The following DMD variants were observed in gnomAD, a reference collection of about 807,000 sequenced individuals.
DMD encodes the protein dystrophin.
In DMD, 63 loss-of-function variants were observed where a neutral mutation model predicts 330.1. The ratio of observed to expected loss-of-function variants is 0.19; its 90% confidence interval spans 0.16 to 0.24. DMD has a LOEUF of 0.24. Ranked by LOEUF, DMD falls within the 10% of genes least tolerant of loss-of-function variation. The pLI is 1.00. For synonymous variants in DMD, 1,223 were observed against 959.8 expected (o/e 1.27, Z -5.07); for missense variants, 3,344 against 2,684.1 (o/e 1.25, Z -5.43).
intron 1 of DMD, among the ~76,000 whole-genome samples, chrX:33,193,895 T>A (rs1001058881): frequency 3.6e-5 from 4 of 111,243 alleles, no homozygotes; most frequent in African/African-American, 1.3e-4. Context: ...CAAAACACAT[T>A]TATAAAACTT....
chrX:31,598,893 CAG>C (rs1293176187), intron 55 of DMD, among the ~76,000 whole-genome samples: 2 of 112,199 alleles, frequency 1.8e-5, no homozygotes, highest in African/African-American at 3.2e-5. Context: ...ACTGTAAAAA[CAG>C]ATGTTATTCA....
chrX:31,751,427 G>A (rs1263109048), intron 51 of DMD, among the ~76,000 whole-genome samples: 1 of 111,666 alleles, frequency 9.0e-6, no homozygotes, highest in African/African-American at 3.3e-5. Flanking sequence ...TTGCAGTCCT[G>A]TTTCTAAAAT....
chrX:31,747,577 G>A (rs1197214587), intron 51 of DMD, among the ~76,000 whole-genome samples: 2 of 111,539 alleles, frequency 1.8e-5, no homozygotes, highest in Non-Finnish European at 3.8e-5. Flanking sequence ...GGCATGAAAG[G>A]AGCCCAGCTT....
chrX:32,396,573 T>G, intron 30 of DMD, among the ~76,000 whole-genome samples: 1 of 110,945 alleles, frequency 9.0e-6, no homozygotes, highest in African/African-American at 3.3e-5. Flanking sequence ...ATTGTGTATA[T>G]CCAAGAATCA....
chrX:32,699,590 C>T (rs903978131), intron 7 of DMD, among the ~76,000 whole-genome samples: 1 of 111,645 alleles, frequency 9.0e-6, no homozygotes, highest in Non-Finnish European at 1.9e-5. Context: ...AACAGAGTAG[C>T]TTTCATTAGA....
chrX:32,225,371 T>G (rs1016956670), intron 43 of DMD, among the ~76,000 whole-genome samples: 57 of 111,820 alleles, frequency 5.1e-4, no homozygotes, highest in African/African-American at 1.9e-3. Context: ...GATTATTGAC[T>G]CTTAATCTAG....
At chrX:32,815,422 A>G (rs1467060268) in intron 6 of DMD, among the ~76,000 whole-genome samples, 1 of 104,179 alleles carries the variant, frequency 9.6e-6, no homozygotes, top group Non-Finnish European at 1.9e-5. Flanking sequence ...TGGGTTGGGT[A>G]AATGAAACGG....
intron 2 of DMD, among the ~76,000 whole-genome samples, chrX:32,958,758 A>T (rs1432459604): frequency 9.0e-6 from 1 of 111,362 alleles, no homozygotes; most frequent in East Asian, 2.8e-4. Context: ...CCAGAAAGGT[A>T]ATCTTATTGG....
At chrX:31,944,383 G>A (rs1438535108) in intron 45 of DMD, among the ~76,000 whole-genome samples, 3 of 111,552 alleles carry the variant, frequency 2.7e-5, no homozygotes, top group Non-Finnish European at 5.6e-5. Context: ...TATTGTTTCT[G>A]TTGTAGAAGA....
chrX:31,425,292 T>A (rs1185121265), intron 60 of DMD, among the ~76,000 whole-genome samples: 1 of 112,444 alleles, frequency 8.9e-6, no homozygotes, highest in Non-Finnish European at 1.9e-5. Context: ...AAATTCTTCA[T>A]GAGACTGTTA....
At chrX:32,964,944 G>T (rs2092083069) in intron 2 of DMD, among the ~76,000 whole-genome samples, 1 of 111,804 alleles carries the variant, frequency 8.9e-6, no homozygotes, top group African/African-American at 3.3e-5. Flanking sequence ...CTGACTACAA[G>T]TAGCTCTCTA....
chrX:32,166,310 A>G (rs1415724326), intron 44 of DMD, among the ~76,000 whole-genome samples: 1 of 110,459 alleles, frequency 9.1e-6, no homozygotes, highest in East Asian at 2.9e-4. Flanking sequence ...AAAACGTGTT[A>G]GCTGGGTATC....
chrX:32,000,467 G>A (rs963153251), intron 44 of DMD, among the ~76,000 whole-genome samples: 1 of 112,048 alleles, frequency 8.9e-6, no homozygotes, highest in Non-Finnish European at 1.9e-5. Flanking sequence ...ATAAGCATGA[G>A]AAATCCAAAG....
intron 2 of DMD, among the ~76,000 whole-genome samples, chrX:32,985,509 A>G (rs750565826): frequency 1.2e-4 from 13 of 111,319 alleles, no homozygotes; most frequent in Non-Finnish European, 1.3e-4. Context: ...ACCATAACAC[A>G]TGCATACATC....
chrX:32,694,703 C>T (rs975686601), intron 9 of DMD, among the ~76,000 whole-genome samples: 64 of 111,843 alleles, frequency 5.7e-4, no homozygotes, highest in African/African-American at 2.0e-3. Context: ...GTTGCCCATG[C>T]TGTAGTGCAA....
intron 64 of DMD, among the ~76,000 whole-genome samples, chrX:31,219,288 C>T (rs2148669309): frequency 9.0e-6 from 1 of 111,044 alleles, no homozygotes; most frequent in African/African-American, 3.3e-5. Flanking sequence ...TACCCCAGGA[C>T]AGAAGCATCT....
At chrX:32,323,316 G>A (rs2097630550) in intron 41 of DMD, among the ~76,000 whole-genome samples, 1 of 111,066 alleles carries the variant, frequency 9.0e-6, no homozygotes, top group African/African-American at 3.3e-5. Flanking sequence ...GTGCCCCACA[G>A]ACACTGAAGG....
chrX:32,013,971 TA>T (rs2095738655), intron 44 of DMD, among the ~76,000 whole-genome samples: 2 of 112,262 alleles, frequency 1.8e-5, no homozygotes. Flanking sequence ...TTCTATAATT[TA>T]TAACATCATT....
chrX:31,119,480 C>T lies in DMD; in HGVS notation c.*2439G>A, dbSNP rs1415539544. 3 of 112,382 alleles carry T rather than the reference C, an allele frequency of 2.7e-5. No individual in the cohort carries two copies. The highest frequency in any genetic ancestry group is 3.8e-5 in the Non-Finnish European group (2 of 53,146). The allele number at this position is 112,382 out of a possible 1,213,427, so 9.3% of individuals were successfully genotyped here. The stretch of plus-strand genomic sequence containing the variant: ...TATGCTTCAGTTACATTATGATTTA[C>T]AGTTTAATACTTGGTGGTTATAAAG... On this transcript the variant is annotated 3_prime_UTR_variant, in exon 79 of 79. Coordinates refer to ENST00000357033, the MANE Select transcript of DMD (RefSeq NM_004006.3).
Sources: allele counts gnomAD v4.1 joint callset (sites outside exome capture counted in the v4.1 genomes callset), GRCh38; gene constraint gnomAD v4.1.1; transcripts MANE v1.5; gene names NCBI Gene and HGNC (gene_info 2026-07-23, HGNC 2026-07-21).